The following TAF3 variants were observed in gnomAD, a reference collection of about 807,000 sequenced individuals.
TAF3 encodes the protein transcription initiation factor TFIID subunit 3.
TAF3 carries 7 observed loss-of-function variants against 80.6 expected under a neutral mutation model. The ratio of observed to expected loss-of-function variants is 0.09; its 90% CI spans 0.05 to 0.16. The LOEUF is 0.16. Among genes scored for constraint, TAF3 ranks in the 10% least tolerant of loss-of-function variants. The probability of loss-of-function intolerance (pLI) is 1.00; values close to 1 mark genes in which losing one functional copy is unlikely to be tolerated. For synonymous variants in TAF3, 444 were observed against 446.1 expected (o/e 1.00, Z 0.06); for missense variants, 921 against 1,140.2 (o/e 0.81, Z 2.77).
chr10:7,999,086 G>A (rs894372705), intron 4 of TAF3, among the ~76,000 whole-genome samples: 3 of 152,036 alleles, frequency 2.0e-5, no homozygotes, highest in African/African-American at 4.8e-5. Flanking sequence ...GACTCATTAA[G>A]CAGATGGAAG....
At chr10:7,904,497 C>T (rs952784573) in intron 2 of TAF3, among the ~76,000 whole-genome samples, 9 of 147,868 alleles carry the variant, frequency 6.1e-5, no homozygotes, top group Non-Finnish European at 1.2e-4. Context: ...CTGATACACG[C>T]ATTTATCTCA....
intron 2 of TAF3, among the ~76,000 whole-genome samples, chr10:7,934,594 GC>G (rs1343226770): frequency 1.3e-5 from 2 of 151,968 alleles, no homozygotes; most frequent in African/African-American, 4.8e-5. Context: ...ACAAGCACCC[GC>G]CACCACGCCT....
chr10:7,933,408 C>A (rs540203110), intron 2 of TAF3, among the ~76,000 whole-genome samples: 17 of 152,294 alleles, frequency 1.1e-4, no homozygotes, highest in African/African-American at 3.9e-4. Context: ...AGTGTGGAGC[C>A]AAAGGCTGCA....
At chr10:7,841,291 G>A (rs1020450628) in intron 2 of TAF3, among the ~76,000 whole-genome samples, 1 of 152,214 alleles carries the variant, frequency 6.6e-6, no homozygotes, top group Non-Finnish European at 1.5e-5. Flanking sequence ...GAGCTGTGGA[G>A]AGCCTGCTGT....
intron 4 of TAF3, among the ~76,000 whole-genome samples, chr10:7,980,682 C>G (rs915474241): frequency 6.6e-6 from 1 of 152,186 alleles, no homozygotes; most frequent in African/African-American, 2.4e-5. Flanking sequence ...TCTGGTCCAG[C>G]CTAGCAGAAG....
intron 2 of TAF3, among the ~76,000 whole-genome samples, chr10:7,933,711 C>T (rs1454177668): frequency 1.3e-5 from 2 of 152,126 alleles, no homozygotes; most frequent in African/African-American, 4.8e-5. Flanking sequence ...ATTCTTTCTG[C>T]TGTAATCCTC....
At chr10:7,892,507 A>T (rs1010603015) in intron 2 of TAF3, among the ~76,000 whole-genome samples, 11 of 152,346 alleles carry the variant, frequency 7.2e-5, no homozygotes, top group Non-Finnish European at 1.3e-4. Context: ...ATAAGATGTG[A>T]TGATTTTTTA....
chr10:7,853,964 G>A (rs889564873), intron 2 of TAF3, among the ~76,000 whole-genome samples: 9 of 152,188 alleles, frequency 5.9e-5, no homozygotes, highest in East Asian at 3.9e-4. Flanking sequence ...ATAATAAAGA[G>A]TGTTCTTTTT....
At chr10:7,822,508 G>C (rs1836700287) in intron 1 of TAF3, among the ~76,000 whole-genome samples, 1 of 151,426 alleles carries the variant, frequency 6.6e-6, no homozygotes, top group Admixed American at 6.6e-5. Context: ...ATCAAAGACT[G>C]CAGAAGTATG....
rs78024545 is a variant in TAF3, at chr10:7,881,288, T to C, written c.409+56728T>C. 1.1e-3 allele frequency among the ~76,000 whole-genome samples: 161 copies of C among 152,154 alleles called. 1 individual carries two copies. The highest frequency in any genetic ancestry group is 3.7e-3 in the African/African-American group (154 of 41,530). ...CCCACAAGCTCTTTTAATATACTGT[T>C]TTCCCACCATGTGTCGCAATACTTT... On this transcript the variant is annotated intron_variant, in intron 2 of 6. Transcript: ENST00000344293.
At chr10:7,830,036 C>T (rs1836782717) in intron 2 of TAF3, among the ~76,000 whole-genome samples, 1 of 152,094 alleles carries the variant, frequency 6.6e-6, no homozygotes, top group South Asian at 2.1e-4. Flanking sequence ...CTTCACTTCC[C>T]TTCCTCCCCC....
chr10:7,873,447 T>C (rs1399290632), intron 2 of TAF3, among the ~76,000 whole-genome samples: 4 of 152,238 alleles, frequency 2.6e-5, no homozygotes, highest in Non-Finnish European at 5.9e-5. Flanking sequence ...AACGAGATGG[T>C]TGAGGAACCT....
At chr10:7,971,473 A>G (rs1183391211) in intron 3 of TAF3, among the ~76,000 whole-genome samples, 1 of 151,166 alleles carries the variant, frequency 6.6e-6, no homozygotes. Flanking sequence ...TTTTTAATGA[A>G]AGGAGTTTAA....
chr10:7,986,803 G>T (rs1461196537), intron 4 of TAF3, among the ~76,000 whole-genome samples: 6 of 151,890 alleles, frequency 4.0e-5, no homozygotes, highest in East Asian at 3.9e-4. Context: ...TAAGAAACAG[G>T]GGAAAAAAGG....
intron 3 of TAF3, among the ~76,000 whole-genome samples, chr10:7,968,417 C>T (rs904891146): frequency 3.3e-5 from 5 of 152,128 alleles, no homozygotes; most frequent in African/African-American, 4.8e-5. Context: ...TTAATTAAAA[C>T]GGAATTTGCA....
intron 2 of TAF3, among the ~76,000 whole-genome samples, chr10:7,882,742 A>G (rs1017464074): frequency 2.0e-5 from 3 of 152,220 alleles, no homozygotes; most frequent in Non-Finnish European, 4.4e-5. Flanking sequence ...AGGGTTTTGT[A>G]GAATGTAGTA....
In TAF3 at chr10:8,015,344, A is replaced by G. The variant is rs906414696; in HGVS notation, c.*593A>G. On this transcript the variant is annotated 3_prime_UTR_variant, in exon 7 of 7. Coordinates refer to ENST00000344293, the MANE Select transcript of TAF3 (RefSeq NM_031923.4). ...TGAAATACCTTATATTTTTTAAGAAAAAGGTTTCTATCATGTCCTGTTTGC... is the reference window on the plus strand; with the variant it reads ...TGAAATACCTTATATTTTTTAAGAAGAAGGTTTCTATCATGTCCTGTTTGC... 4 of 152,194 alleles carry G rather than the reference A, an allele frequency of 2.6e-5. No homozygotes were observed. Among genetic ancestry groups the G allele is most frequent in the African/African-American group, 9.7e-5 (4 of 41,436 alleles). The allele number at this position is 152,194 out of a possible 1,614,324, so 9.4% of individuals were successfully genotyped here.
Position 8,009,467 on chromosome 10 carries a change from G to T in TAF3, c.2568+137G>T. On this transcript the variant is annotated intron_variant, in intron 5 of 6. Coordinates refer to ENST00000344293, the MANE Select transcript of TAF3 (RefSeq NM_031923.4). This position sits in a 1 kb window ranked among gnomAD's most constrained non-coding sequence, Gnocchi z 4.1. Reference sequence around the variant, plus strand: ...TTTACTTAATTATTTTTGAGACAGGGTCTCCCTGTGTGGCTCAGGCTGGAG... The same window carrying T: ...TTTACTTAATTATTTTTGAGACAGGTTCTCCCTGTGTGGCTCAGGCTGGAG... 1 of 1,289,968 alleles carries T rather than the reference G, an allele frequency of 7.8e-7. No individual in the cohort carries two copies. Among genetic ancestry groups the T allele is most frequent in the Non-Finnish European group, 1.0e-6 (1 of 977,358 alleles). 79.9% of individuals were successfully genotyped at this position (1,289,968 alleles called of 1,614,324 possible).
chr10:7,984,884 C>T (rs886728748), intron 4 of TAF3, among the ~76,000 whole-genome samples: 7 of 152,168 alleles, frequency 4.6e-5, no homozygotes, highest in African/African-American at 1.7e-4. Flanking sequence ...TCAAACTACT[C>T]ACACTTCTGG....
Sources: allele counts gnomAD v4.1 joint callset (sites outside exome capture counted in the v4.1 genomes callset), GRCh38; gene constraint gnomAD v4.1.1; non-coding constraint Gnocchi (gnomAD v3.1); transcripts MANE v1.5; gene names NCBI Gene and HGNC (gene_info 2026-07-23, HGNC 2026-07-21).